TRIO: variants seen among roughly 807,000 people sequenced by gnomAD.
TRIO encodes triple functional domain protein.
A neutral mutation model predicts 351.9 loss-of-function variants in TRIO; 58 were observed. That is an observed-to-expected ratio of 0.16 (90% CI 0.13 to 0.21). The LOEUF is 0.21. TRIO is among the 10% of genes least tolerant of loss of function. The pLI is 1.00. For missense variants in TRIO, 3,201 were observed against 4,027.8 expected, an observed-to-expected ratio of 0.79 and a Z score of 5.56; for synonymous variants, 1,758 against 1,595.7, an observed-to-expected ratio of 1.10 and a Z score of -2.42.
rs557222096 is a variant in TRIO at position 14,338,477 on chromosome 5, A to G, written c.2046+1750A>G. On this transcript the variant is annotated intron_variant, in intron 11 of 56. Coordinates refer to ENST00000344204, the MANE Select transcript of TRIO (RefSeq NM_007118.4). Reference sequence around the variant, plus strand: ...ACCTTCTAGAGCTCCCTCTACATGCACCTGTTAACGGCAGTTGTCATGCGT... The same window carrying G: ...ACCTTCTAGAGCTCCCTCTACATGCGCCTGTTAACGGCAGTTGTCATGCGT... Among the ~76,000 whole-genome samples, 4 of 152,248 alleles carry G rather than the reference A, an allele frequency of 2.6e-5. No homozygotes were observed. The South Asian group carries it at 8.3e-4, about 32-fold the overall frequency.
At position 14,361,083 on chromosome 5, in the gene TRIO, A is replaced by G. The variant is rs572782922; in HGVS notation, c.2391+1552A>G. Among the ~76,000 whole-genome samples, 122 of 152,338 alleles carry G rather than the reference A, an allele frequency of 8.0e-4. 1 individual carries two copies. Among genetic ancestry groups the G allele is most frequent in the African/African-American group, 2.7e-3 (114 of 41,576 alleles). On this transcript the variant is annotated intron_variant, in intron 13 of 56. Coordinates refer to ENST00000344204, the MANE Select transcript of TRIO (RefSeq NM_007118.4). The stretch of plus-strand genomic sequence containing the variant: ...TGACTTCAAAGGACTCGCTTTTGTA[A>G]AACTTAGCTGCATATTGAATATTTT...
At chr5:14,472,680 G>A (rs777470474) in intron 39 of TRIO, 22 bp downstream of exon 39, 4 of 1,612,344 alleles carry the variant, frequency 2.5e-6, no homozygotes, top group East Asian at 4.5e-5. Context: ...CAGAAATTTA[G>A]TATCTTCGTA....
At chr5:14,491,927 A>G (rs1290320173) in intron 48 of TRIO, among the ~76,000 whole-genome samples, 1 of 152,216 alleles carries the variant, frequency 6.6e-6, no homozygotes, top group Non-Finnish European at 1.5e-5. Context: ...GACACCTAGC[A>G]AGTTCGTATT....
intron 33 of TRIO, among the ~76,000 whole-genome samples, chr5:14,406,885 A>T (rs949223508): frequency 3.0e-4 from 46 of 151,826 alleles, no homozygotes; most frequent in African/African-American, 1.0e-3. Context: ...AAATCATTCA[A>T]CTCTTTCCAT....
chr5:14,339,789 A>G (rs1741774049), intron 11 of TRIO, among the ~76,000 whole-genome samples: 1 of 152,210 alleles, frequency 6.6e-6, no homozygotes, highest in African/African-American at 2.4e-5. Context: ...TGCTGTACAA[A>G]AGCCCTGAAA....
At chr5:14,154,828 C>T (rs1788015240) in intron 1 of TRIO, among the ~76,000 whole-genome samples, 2 of 152,164 alleles carry the variant, frequency 1.3e-5, no homozygotes, top group Admixed American at 1.3e-4. Flanking sequence ...GTGCTCTAAA[C>T]ATTTACCAGT....
chr5:14,482,708 A>T lies in TRIO; in HGVS notation c.6592A>T (p.Ser2198Cys). The T allele has an allele frequency of 6.2e-7, 1 of 1,610,866 alleles. No individual in the cohort carries two copies. The highest frequency in any genetic ancestry group is 8.5e-7 in the Non-Finnish European group (1 of 1,177,952). ...IFLFEQIVIF[S>C]EPLDKKKGFS... ...CCTCTTTGAGCAGATCGTCATATTC[A>T]GCGAACCACTTGATAAAAAGAAGGG... Residue 2198 changes from serine to cysteine, a missense_variant, in exon 46 of 57, where the codon AGC (serine) becomes TGC (cysteine). Around this residue, in one of 19 missense-constraint regions of TRIO, gnomAD observed 1,089 missense variants for 954.9 expected, o/e 1.14. Coordinates refer to ENST00000344204, the MANE Select transcript of TRIO (RefSeq NM_007118.4).
chr5:14,268,696 C>T (rs971602710), intron 1 of TRIO, among the ~76,000 whole-genome samples: 10 of 152,250 alleles, frequency 6.6e-5, no homozygotes, highest in Non-Finnish European at 1.3e-4. Flanking sequence ...TCTGTCCCCT[C>T]CTCATTTGCC....
Position 14,390,276 on chromosome 5 carries a change from T to C in TRIO, c.4104T>C (p.Asp1368=). Residue 1368 remains aspartate (D), a synonymous_variant, in exon 26 of 57, where the codon GAT becomes GAC. Coordinates refer to ENST00000344204, the MANE Select transcript of TRIO (RefSeq NM_007118.4). ...AAAAATATGAACAGTTGCCAGAGGA[T>C]GTTGGACATTGTTTTGTTACTTGGG... ...ELEKYEQLPE[D]VGHCFVTWAD... 6.2e-7 allele frequency: 1 copy of C among 1,614,134 alleles called. No individual in the cohort carries two copies. The highest frequency in any genetic ancestry group is 1.1e-5 in the South Asian group (1 of 91,044).
At chr5:14,236,727 A>C (rs1472016970) in intron 1 of TRIO, among the ~76,000 whole-genome samples, 1 of 152,230 alleles carries the variant, frequency 6.6e-6, no homozygotes, top group African/African-American at 2.4e-5. Context: ...TTCATATAGC[A>C]TACAATTTCC....
chr5:14,211,986 C>CA (rs1240637478), intron 1 of TRIO, among the ~76,000 whole-genome samples: 4 of 149,968 alleles, frequency 2.7e-5, no homozygotes, highest in East Asian at 2.0e-4. Flanking sequence ...AACAAACAAA[C>CA]AAAAAAACCA....
intron 5 of TRIO, among the ~76,000 whole-genome samples, chr5:14,291,661 C>T (rs560538134): frequency 3.3e-5 from 5 of 151,554 alleles, no homozygotes; most frequent in East Asian, 1.9e-4. Flanking sequence ...TGGTGGCACG[C>T]GCCTGTAATC....
chr5:14,206,957 G>A lies in TRIO; in HGVS notation c.157+63075G>A, dbSNP rs555532070. On this transcript the variant is annotated intron_variant, in intron 1 of 56. Coordinates refer to ENST00000344204, the MANE Select transcript of TRIO (RefSeq NM_007118.4). ...TTATCACTAGTTTTTTCTCTGTCAA[G>A]GGATGTATAAAAATGGATCACAAAT... Among the ~76,000 whole-genome samples, 3 of 152,148 alleles carry A rather than the reference G, an allele frequency of 2.0e-5. No individual in the cohort carries two copies. The South Asian group carries it at 6.2e-4, about 32-fold the overall frequency.
chr5:14,227,750 T>G (rs1312543578), intron 1 of TRIO, among the ~76,000 whole-genome samples: 1 of 152,230 alleles, frequency 6.6e-6, no homozygotes, highest in Non-Finnish European at 1.5e-5. Context: ...TGATACGGAC[T>G]CTTAACTCTT....
chr5:14,174,596 C>A (rs1262037471), intron 1 of TRIO, among the ~76,000 whole-genome samples: 1 of 152,212 alleles, frequency 6.6e-6, no homozygotes, highest in Non-Finnish European at 1.5e-5. Flanking sequence ...ACAACACACA[C>A]AAGGCTGCGG....
intron 8 of TRIO, among the ~76,000 whole-genome samples, chr5:14,313,068 G>A (rs1237495129): frequency 2.0e-5 from 3 of 152,178 alleles, no homozygotes; most frequent in South Asian, 2.1e-4. Context: ...GTTTATTGGC[G>A]AAATGCTGTT....
intron 32 of TRIO, chr5:14,406,278 G>A (rs1035263313): frequency 3.6e-6 from 2 of 560,612 alleles, no homozygotes; most frequent in Non-Finnish European, 6.3e-6. Context: ...ACATGACCTT[G>A]GATAAGTTAT....
chr5:14,329,666 A>C (rs538038318), intron 9 of TRIO, among the ~76,000 whole-genome samples: 2 of 152,276 alleles, frequency 1.3e-5, no homozygotes, highest in Non-Finnish European at 2.9e-5. Context: ...CTTCAATACT[A>C]TAGCTGTGCA....
intron 1 of TRIO, among the ~76,000 whole-genome samples, chr5:14,147,292 C>A (rs1335437391): frequency 6.6e-6 from 1 of 152,150 alleles, no homozygotes. Context: ...GGGCCCTGGT[C>A]CCTGGTGCTC....
Sources: gnomAD v4.1 joint callset for allele counts (sites outside exome capture counted in the v4.1 genomes callset) on GRCh38, gnomAD v4.1.1 for gene constraint, gnomAD v4.1.1 regional missense constraint, MANE v1.5 for transcripts, NCBI Gene and HGNC (gene_info 2026-07-23, HGNC 2026-07-21) for gene names.